The following NRP1 variants were observed in gnomAD, a reference collection of about 807,000 sequenced individuals.
NRP1 encodes the protein neuropilin 1.
In NRP1, 35 loss-of-function variants were observed where a neutral mutation model predicts 106.7. The ratio of observed to expected loss-of-function variants is 0.33; its 90% CI spans 0.25 to 0.43. The LOEUF is 0.43. Ranked by LOEUF, NRP1 falls within the 20% of genes least tolerant of loss-of-function variation. The pLI is 1.00. For missense variants in NRP1, 1,024 were observed against 1,170.4 expected, an observed-to-expected ratio of 0.87 and a Z score of 1.83; for synonymous variants, 437 against 417.9, an observed-to-expected ratio of 1.05 and a Z score of -0.56.
At chr10:33,240,743 T>G (rs755277422) in intron 6 of NRP1, among the ~76,000 whole-genome samples, 1 of 152,108 alleles carries the variant, frequency 6.6e-6, no homozygotes, top group Non-Finnish European at 1.5e-5. Context: ...AAGGAGCTGA[T>G]GGGATTACTG....
At chr10:33,287,780 C>A (rs1844684883) in intron 2 of NRP1, among the ~76,000 whole-genome samples, 1 of 152,128 alleles carries the variant, frequency 6.6e-6, no homozygotes, top group African/African-American at 2.4e-5. Context: ...ATCCTTGGGT[C>A]CGGACCTTGC....
At chr10:33,283,519 A>G (rs1238426193) in intron 2 of NRP1, among the ~76,000 whole-genome samples, 1 of 152,248 alleles carries the variant, frequency 6.6e-6, no homozygotes, top group Non-Finnish European at 1.5e-5. Context: ...ATGTACAATA[A>G]TACTTCAGAT....
intron 13 of NRP1, among the ~76,000 whole-genome samples, chr10:33,186,880 T>C (rs868020051): frequency 2.1e-4 from 31 of 147,210 alleles, no homozygotes; most frequent in Middle Eastern, 6.5e-3. Flanking sequence ...TTATTTATTA[T>C]GTTAGACACT....
chr10:33,312,121 C>G (rs942911984), intron 2 of NRP1, among the ~76,000 whole-genome samples: 2 of 152,106 alleles, frequency 1.3e-5, no homozygotes, highest in Non-Finnish European at 2.9e-5. Flanking sequence ...ATTTTAGGTC[C>G]TGTTTACATT....
chr10:33,277,297 C>A (rs530979252), intron 2 of NRP1, among the ~76,000 whole-genome samples: 18 of 152,182 alleles, frequency 1.2e-4, no homozygotes, highest in Non-Finnish European at 2.1e-4. Flanking sequence ...GGGCTTCCTG[C>A]CAGAGCTGTC....
chr10:33,254,726 C>T (rs569772850), intron 5 of NRP1, among the ~76,000 whole-genome samples: 1 of 152,288 alleles, frequency 6.6e-6, no homozygotes, highest in East Asian at 1.9e-4. Context: ...TCTTATGCCC[C>T]ACCTCTGGCC....
chr10:33,311,119 G>A (rs1846579599), intron 2 of NRP1, among the ~76,000 whole-genome samples: 1 of 152,206 alleles, frequency 6.6e-6, no homozygotes, highest in Non-Finnish European at 1.5e-5. Flanking sequence ...AGCAGAGGGT[G>A]TCTAACATGG....
At chr10:33,292,295 A>G (rs934783118) in intron 2 of NRP1, among the ~76,000 whole-genome samples, 14 of 152,184 alleles carry the variant, frequency 9.2e-5, no homozygotes, top group Admixed American at 7.2e-4. Flanking sequence ...TGTATCGATT[A>G]AGAATGCAAA....
intron 15 of NRP1, among the ~76,000 whole-genome samples, chr10:33,183,290 A>G (rs1163034920): frequency 6.6e-6 from 1 of 151,900 alleles, no homozygotes; most frequent in Admixed American, 6.6e-5. Flanking sequence ...TGGGTGACGG[A>G]AGCAAGAGCC....
chr10:33,188,713 C>T (rs573303658), intron 13 of NRP1, among the ~76,000 whole-genome samples: 5 of 151,484 alleles, frequency 3.3e-5, no homozygotes, highest in Non-Finnish European at 5.9e-5. Context: ...CATGTCTCTA[C>T]CAAAAATACA....
At chr10:33,185,259 G>T (rs1835924764) in intron 15 of NRP1, among the ~76,000 whole-genome samples, 1 of 152,096 alleles carries the variant, frequency 6.6e-6, no homozygotes, top group Non-Finnish European at 1.5e-5. Context: ...CTGCTGTTTT[G>T]TTTATACACC....
intron 6 of NRP1, among the ~76,000 whole-genome samples, chr10:33,232,439 G>C (rs1356341518): frequency 6.6e-6 from 1 of 152,046 alleles, no homozygotes; most frequent in East Asian, 1.9e-4. Context: ...AACATTAAGG[G>C]TGATGGTGAG....
At chr10:33,186,072 G>T (rs1835986822) in intron 14 of NRP1, 145 bp downstream of exon 14, 1 of 1,078,528 alleles carries the variant, frequency 9.3e-7, no homozygotes, top group South Asian at 1.7e-5. Flanking sequence ...TATTAAGGTG[G>T]TTATCATTGC....
intron 2 of NRP1, among the ~76,000 whole-genome samples, chr10:33,290,002 C>T (rs565821890): frequency 7.4e-4 from 112 of 152,242 alleles, no homozygotes; most frequent in African/African-American, 2.4e-3. Flanking sequence ...GAGCATTGTG[C>T]GCCCTGCTTT....
rs747909278 is a variant in NRP1, at chr10:33,213,278, TG to T, written c.1614+107del. ...TGACCCCATCACACACCTCCTCTAA[TG>T]TCATGGCTGGAAGGAAATAAGAAGC... On this transcript the variant is annotated intron_variant, in intron 9 of 16. Transcript: ENST00000374867. 66 of 1,613,394 alleles carry T rather than the reference TG, an allele frequency of 4.1e-5. 3 individuals are homozygous for T. In the South Asian group the frequency reaches 7.3e-4, roughly 18 times the overall value.
intron 10 of NRP1, among the ~76,000 whole-genome samples, chr10:33,203,739 T>A (rs1837534410): frequency 1.3e-5 from 1 of 78,368 alleles, no homozygotes; most frequent in South Asian, 5.7e-4. Context: ...TTTTTTTTTT[T>A]TTTTTTTTTT....
intron 16 of NRP1, 21 bp from the exon 17 acceptor site, chr10:33,180,386 G>T: frequency 6.4e-7 from 1 of 1,555,346 alleles, no homozygotes; most frequent in South Asian, 1.2e-5. Flanking sequence ...AAACAATATT[G>T]TCTCCGTGAG....
chr10:33,202,667 G>T, intron 11 of NRP1: 1 of 1,544,262 alleles, frequency 6.5e-7, no homozygotes, highest in Non-Finnish European at 8.8e-7. Flanking sequence ...TTTGGCTCTC[G>T]AAATGGCTCA....
chr10:33,198,474 C>T lies in NRP1; in HGVS notation c.1865-765G>A, dbSNP rs371462839. 1.6e-4 allele frequency among the ~76,000 whole-genome samples: 24 copies of T among 152,180 alleles called. 2 individuals are homozygous for T. The highest frequency in any genetic ancestry group is 7.9e-4 in the Admixed American group (12 of 15,270). On this transcript the variant is annotated intron_variant, in intron 11 of 16. Transcript: ENST00000374867. ...TTCAAGTAGACAACGTATCCTAACA[C>T]CTTTCTTTACAAAGCATCCAGAAGG...
Sources: gnomAD v4.1 joint callset for allele counts (sites outside exome capture counted in the v4.1 genomes callset) on GRCh38, gnomAD v4.1.1 for gene constraint, MANE v1.5 for transcripts, NCBI Gene and HGNC (gene_info 2026-07-23, HGNC 2026-07-21) for gene names.